ST8SIA4: variants seen among roughly 807,000 people sequenced by gnomAD.
The protein encoded by ST8SIA4 is CMP-N-acetylneuraminate-poly-alpha-2,8-sialyltransferase.
In ST8SIA4, 15 loss-of-function variants were observed where a neutral mutation model predicts 33.9. The observed-to-expected ratio is 0.44, with a 90% CI of 0.30 to 0.68. The LOEUF (loss-of-function observed/expected upper bound fraction) is 0.68. Ranked by LOEUF, ST8SIA4 falls within the 30% of genes least tolerant of loss-of-function variation. The pLI is 0.10. For missense variants in ST8SIA4, 321 were observed against 428.0 expected, an observed-to-expected ratio of 0.75 and a Z score of 2.21; for synonymous variants, 171 against 151.2, an observed-to-expected ratio of 1.13 and a Z score of -0.96.
Position 100,832,792 on chromosome 5 carries a change from A to C in ST8SIA4, c.798-20663T>G, listed in dbSNP as rs369262305. On this transcript the variant is annotated intron_variant, in intron 4 of 4. Transcript: ENST00000231461. ...TTCAGGACATTCTCTCATTGTTCTT[A>C]TTCAGTTCTAACTTTTCTACTCTAT... Among the ~76,000 whole-genome samples the C allele has an allele frequency of 3.3e-5, 5 of 152,134 alleles. No homozygotes were observed. In the East Asian group the frequency reaches 9.7e-4, roughly 29 times the overall value.
intron 3 of ST8SIA4, among the ~76,000 whole-genome samples, chr5:100,877,104 T>C (rs997567776): frequency 1.3e-5 from 2 of 152,028 alleles, no homozygotes; most frequent in African/African-American, 4.8e-5. Flanking sequence ...GTATAATTTA[T>C]CTCTCCCTCT....
intron 1 of ST8SIA4, among the ~76,000 whole-genome samples, chr5:100,898,757 C>A (rs1363832224): frequency 2.0e-5 from 3 of 152,186 alleles, no homozygotes; most frequent in Non-Finnish European, 2.9e-5. Context: ...GATGTTGCCA[C>A]CCCCCTACTT....
At position 100,827,331 on chromosome 5, in the gene ST8SIA4, A is replaced by T. The variant is rs940310937; in HGVS notation, c.798-15202T>A. ...TTCATTAAGGAAAAAGGACAACTGG[A>T]TATCTTAACTCTGTATGGCTTACAA... On this transcript the variant is annotated intron_variant, in intron 4 of 4. Transcript: ENST00000231461. 3.3e-5 allele frequency among the ~76,000 whole-genome samples: 5 copies of T among 152,204 alleles called. No individual in the cohort carries two copies. The South Asian group carries it at 1.0e-3, about 32-fold the overall frequency.
intron 4 of ST8SIA4, among the ~76,000 whole-genome samples, chr5:100,848,250 A>T (rs2725116): frequency 0.58 from 87,698 of 151,268 alleles, 26,157 homozygotes; most frequent in South Asian, 0.74. Flanking sequence ...GTAATGTACC[A>T]TTATTACAAG....
chr5:100,851,212 C>T (rs1243718941), intron 4 of ST8SIA4, among the ~76,000 whole-genome samples: 4 of 151,762 alleles, frequency 2.6e-5, no homozygotes, highest in Non-Finnish European at 5.9e-5. Flanking sequence ...CCACCCGCCT[C>T]GGCCTCCCAA....
chr5:100,848,911 A>G (rs1751625920), intron 4 of ST8SIA4: 1 of 156,264 alleles, frequency 6.4e-6, no homozygotes, highest in Non-Finnish European at 1.4e-5. Context: ...GTGTGTATAT[A>G]TATTTCTTAT....
chr5:100,892,509 G>C (rs1325197327), intron 2 of ST8SIA4, among the ~76,000 whole-genome samples: 1 of 151,986 alleles, frequency 6.6e-6, no homozygotes, highest in Non-Finnish European at 1.5e-5. Flanking sequence ...CATATGAACC[G>C]ATTCTTGGTG....
chr5:100,872,944 A>C (rs1752229562), intron 3 of ST8SIA4, among the ~76,000 whole-genome samples: 1 of 151,668 alleles, frequency 6.6e-6, no homozygotes, highest in Admixed American at 6.6e-5. Context: ...TGTCTAGGCC[A>C]GCACATCTCA....
At chr5:100,873,822 TA>T (rs1456327830) in intron 3 of ST8SIA4, among the ~76,000 whole-genome samples, 4 of 152,172 alleles carry the variant, frequency 2.6e-5, no homozygotes, top group Non-Finnish European at 5.9e-5. Context: ...AATATATGAA[TA>T]TTTTTTATTG....
chr5:100,891,286 A>G (rs1208865998), intron 2 of ST8SIA4, among the ~76,000 whole-genome samples: 1 of 151,992 alleles, frequency 6.6e-6, no homozygotes, highest in African/African-American at 2.4e-5. Flanking sequence ...ACTACAAAAA[A>G]AAATCACTGT....
chr5:100,812,316 T>C (rs931538546), intron 4 of ST8SIA4, among the ~76,000 whole-genome samples, 187 bp from the exon 5 acceptor site: 1 of 152,180 alleles, frequency 6.6e-6, no homozygotes, highest in Non-Finnish European at 1.5e-5. Flanking sequence ...TTCTTTATCC[T>C]TTATTTTCTT....
chr5:100,871,268 G>T (rs1384499718), intron 3 of ST8SIA4, among the ~76,000 whole-genome samples: 1 of 151,972 alleles, frequency 6.6e-6, no homozygotes, highest in Non-Finnish European at 1.5e-5. Flanking sequence ...TACCAGTGGA[G>T]AATAAAAAAT....
At position 100,895,017 on chromosome 5, in the gene ST8SIA4, A is replaced by G. The variant is rs57847819; in HGVS notation, c.245+637T>C. Among the ~76,000 whole-genome samples the G allele has an allele frequency of 9.0e-3, 1,364 of 152,106 alleles. 16 individuals are homozygous for G. The highest frequency in any genetic ancestry group is 0.031 in the African/African-American group (1,307 of 41,530). The stretch of plus-strand genomic sequence containing the variant: ...TTTCCTCCATAATTAAGAAGGTATG[A>G]CTCTAGCTTTCTTATTAGTAACAGG... On this transcript the variant is annotated intron_variant, in intron 2 of 4. Transcript: ENST00000231461.
chr5:100,832,176 T>C (rs1389945298), intron 4 of ST8SIA4, among the ~76,000 whole-genome samples: 1 of 152,122 alleles, frequency 6.6e-6, no homozygotes, highest in Non-Finnish European at 1.5e-5. Context: ...ACAAATCAGT[T>C]CACACTTTAG....
intron 3 of ST8SIA4, among the ~76,000 whole-genome samples, chr5:100,862,148 G>C (rs1009389258): frequency 2.0e-5 from 3 of 152,152 alleles, no homozygotes; most frequent in Non-Finnish European, 4.4e-5. Flanking sequence ...AGACTTGAAT[G>C]ACTGATGGGG....
chr5:100,891,720 A>G (rs1049346853), intron 2 of ST8SIA4, among the ~76,000 whole-genome samples: 3 of 152,224 alleles, frequency 2.0e-5, no homozygotes, highest in Admixed American at 2.0e-4. Flanking sequence ...CCATAATGAT[A>G]AATTTTAATA....
At chr5:100,823,677 A>T (rs980585629) in intron 4 of ST8SIA4, among the ~76,000 whole-genome samples, 1 of 152,188 alleles carries the variant, frequency 6.6e-6, no homozygotes. Flanking sequence ...GAAACAAAAA[A>T]CTCCAATAGT....
intron 4 of ST8SIA4, among the ~76,000 whole-genome samples, chr5:100,850,458 A>C (rs1302112225): frequency 6.6e-6 from 1 of 151,850 alleles, no homozygotes; most frequent in African/African-American, 2.4e-5. Context: ...TAAAAAAAAA[A>C]CTAAGGGGCC....
chr5:100,893,441 G>A (rs1752715245), intron 2 of ST8SIA4, among the ~76,000 whole-genome samples: 1 of 151,982 alleles, frequency 6.6e-6, no homozygotes, highest in Non-Finnish European at 1.5e-5. Context: ...ATCTGTTAAG[G>A]AGAACCATAC....
Sources: gnomAD v4.1 joint callset for allele counts (sites outside exome capture counted in the v4.1 genomes callset) on GRCh38, gnomAD v4.1.1 for gene constraint, MANE v1.5 for transcripts, NCBI Gene and HGNC (gene_info 2026-07-23, HGNC 2026-07-21) for gene names.